The following UNC5A variants were observed in gnomAD, a reference collection of about 807,000 sequenced individuals.
The protein encoded by UNC5A is netrin receptor UNC5A.
In UNC5A, 20 loss-of-function variants were observed where a neutral mutation model predicts 87.4. The observed-to-expected ratio is 0.23, with a 90% CI of 0.16 to 0.33. The LOEUF (loss-of-function observed/expected upper bound fraction) is 0.33, where lower values mean the gene tolerates loss of function less well. Among genes scored for constraint, UNC5A ranks in the 10% least tolerant of loss-of-function variants. UNC5A has a pLI of 1.00. For missense variants in UNC5A, 844 were observed against 1,133.4 expected, an observed-to-expected ratio of 0.74 and a Z score of 3.67; for synonymous variants, 438 against 482.3, an observed-to-expected ratio of 0.91 and a Z score of 1.20.
At chr5:176,860,530 G>C (rs1757808865) in intron 1 of UNC5A, among the ~76,000 whole-genome samples, 1 of 152,186 alleles carries the variant, frequency 6.6e-6, no homozygotes, top group Non-Finnish European at 1.5e-5. Flanking sequence ...TGGCTGCCAA[G>C]TGACCATGGC....
At chr5:176,822,421 C>T (rs1756750155) in intron 1 of UNC5A, among the ~76,000 whole-genome samples, 1 of 152,224 alleles carries the variant, frequency 6.6e-6, no homozygotes, top group Non-Finnish European at 1.5e-5. Context: ...AGGGCAGGGC[C>T]TGCAGGCCTG....
intron 1 of UNC5A, among the ~76,000 whole-genome samples, chr5:176,815,708 G>A (rs1266001587): frequency 1.3e-5 from 2 of 152,196 alleles, no homozygotes. Flanking sequence ...ATCAGGGCCC[G>A]AGCCCAGACA....
chr5:176,840,014 G>A (rs545281509), intron 1 of UNC5A, among the ~76,000 whole-genome samples: 6 of 151,834 alleles, frequency 4.0e-5, no homozygotes, highest in South Asian at 4.2e-4. Flanking sequence ...ACGCCACCAC[G>A]CCCTGCTAAT....
chr5:176,856,810 C>A (rs1032657763), intron 1 of UNC5A, among the ~76,000 whole-genome samples: 3 of 152,138 alleles, frequency 2.0e-5, no homozygotes, highest in Non-Finnish European at 4.4e-5. Context: ...CACACCACAC[C>A]CCTGCACATG....
chr5:176,832,120 C>T (rs192858764), intron 1 of UNC5A, among the ~76,000 whole-genome samples: 1,756 of 152,238 alleles, frequency 0.012, 15 homozygotes, highest in Non-Finnish European at 0.018. Flanking sequence ...TGGTCTCGAA[C>T]TCCTGACTTC....
chr5:176,867,247 G>GA (rs773253091), intron 2 of UNC5A, among the ~76,000 whole-genome samples: 14 of 152,246 alleles, frequency 9.2e-5, no homozygotes, highest in Non-Finnish European at 2.1e-4. Flanking sequence ...TTTGGCTACA[G>GA]ACGGGGCAGG....
At chr5:176,817,305 A>G (rs7712355) in intron 1 of UNC5A, among the ~76,000 whole-genome samples, 2,977 of 151,660 alleles carry the variant, frequency 0.02, 90 homozygotes, top group African/African-American at 0.068. Context: ...GGCCGGGGGA[A>G]TCTGTCTAGA....
In UNC5A at chr5:176,848,188, G is replaced by T. The variant is rs148931108; in HGVS notation, c.71-14436G>T. ...TTCCACGTTAGCACCACCGCCCCCC[G>T]CACCCAGATCCCTCCGCCCCTCAGC... On this transcript the variant is annotated intron_variant, in intron 1 of 14. Transcript: ENST00000329542. This position sits in a 1 kb window ranked among gnomAD's most constrained non-coding sequence, Gnocchi z 5.8. Among the ~76,000 whole-genome samples, 21 of 151,422 alleles carry T rather than the reference G, an allele frequency of 1.4e-4. No individual in the cohort carries two copies. Among genetic ancestry groups the T allele is most frequent in the Non-Finnish European group, 1.5e-5 (1 of 67,860 alleles).
At position 176,869,711 on chromosome 5, in the gene UNC5A, G is replaced by A. The variant is rs1228296074; in HGVS notation, c.722-659G>A. 9 of 673,540 alleles carry A rather than the reference G, an allele frequency of 1.3e-5. No individual in the cohort carries two copies. The highest frequency in any genetic ancestry group is 1.6e-5 in the Non-Finnish European group (6 of 366,556). 41.7% of individuals were successfully genotyped at this position (673,540 alleles called of 1,614,324 possible). A position where few individuals can be genotyped will look rare whatever the true frequency, so the allele number is the denominator to read the frequency against. On this transcript the variant is annotated intron_variant, in intron 5 of 14. Transcript: ENST00000329542. This position sits in a 1 kb window ranked among gnomAD's most constrained non-coding sequence, Gnocchi z 9.1. ...GGAGCCGGAGCTGCACCAACCCGGC[G>A]CCTCTCAACGGGGGCGCTTTCTGTG...
chr5:176,810,839 G>A lies in UNC5A; in HGVS notation c.70+19G>A. On this transcript the variant is annotated intron_variant, in intron 1 of 14. Coordinates refer to ENST00000329542, the MANE Select transcript of UNC5A (RefSeq NM_133369.3). The surrounding 1 kb of genome is among the most constrained non-coding windows in gnomAD (Gnocchi z 7.3). ...GGCTCGGGTGAGTCACGCCGCGCGC[G>A]CTCTGGGGAGGCTTGCGGGGGACCG... 8.2e-7 allele frequency: 1 copy of A among 1,221,572 alleles called. No homozygotes were observed. The highest frequency in any genetic ancestry group is 4.1e-5 in the South Asian group (1 of 24,260). The allele number at this position is 1,221,572 out of a possible 1,614,324, so 75.7% of individuals were successfully genotyped here.
chr5:176,829,721 A>G (rs951749820), intron 1 of UNC5A, among the ~76,000 whole-genome samples: 11 of 152,030 alleles, frequency 7.2e-5, no homozygotes, highest in Admixed American at 1.3e-4. Context: ...CTCCCTTGCC[A>G]TATTGGGCAT....
rs1012911498 is a variant in UNC5A, at chr5:176,838,550, C to G, written c.71-24074C>G. Among the ~76,000 whole-genome samples, 1 of 152,268 alleles carries G rather than the reference C, an allele frequency of 6.6e-6. No individual in the cohort carries two copies. The highest frequency in any genetic ancestry group is 2.4e-5 in the African/African-American group (1 of 41,484). On this transcript the variant is annotated intron_variant, in intron 1 of 14. Transcript: ENST00000329542. The surrounding 1 kb of genome is among the most constrained non-coding windows in gnomAD (Gnocchi z 4.2). ...CTTGCAACTGAAAATCCCAAAGGTA[C>G]AGCTGACTTCAGGCAAAGCCTGATG...
rs1757954318 is a variant in UNC5A at position 176,865,551 on chromosome 5, T to C, written c.293-2579T>C. On this transcript the variant is annotated intron_variant, in intron 2 of 14. Coordinates refer to ENST00000329542, the MANE Select transcript of UNC5A (RefSeq NM_133369.3). This position sits in a 1 kb window ranked among gnomAD's most constrained non-coding sequence, Gnocchi z 5.3. ...CCGAGCATCCGACTCCAGCCTCCCA[T>C]GGCCGGAACATCTGAACGTTCATTG... 2.2e-6 allele frequency: 1 copy of C among 456,122 alleles called. No individual in the cohort carries two copies. The highest frequency in any genetic ancestry group is 2.0e-5 in the African/African-American group (1 of 50,082). 28.3% of individuals were successfully genotyped at this position (456,122 alleles called of 1,614,324 possible).
intron 1 of UNC5A, among the ~76,000 whole-genome samples, chr5:176,821,785 G>T (rs1249427871): frequency 6.6e-6 from 1 of 152,222 alleles, no homozygotes; most frequent in African/African-American, 2.4e-5. Flanking sequence ...GTGACCGCAG[G>T]CAGGGAGTGG....
rs1468668179 is a variant in UNC5A, at chr5:176,865,508, C to T, written c.293-2622C>T. 1 of 443,864 alleles carries T rather than the reference C, an allele frequency of 2.3e-6. No homozygotes were observed. The highest frequency in any genetic ancestry group is 7.0e-5 in the East Asian group (1 of 14,198). 27.5% of individuals were successfully genotyped at this position (443,864 alleles called of 1,614,324 possible). A position where few individuals can be genotyped will look rare whatever the true frequency, so the allele number is the denominator to read the frequency against. On this transcript the variant is annotated intron_variant, in intron 2 of 14. Transcript: ENST00000329542. The surrounding 1 kb of genome is among the most constrained non-coding windows in gnomAD (Gnocchi z 5.3). ...TTGGGACACGTCCCACCCGTAACCG[C>T]CAGGGTCCTCTTCTGCCCCGAGCAT...
At chr5:176,873,469 C>G (rs530010545) in intron 6 of UNC5A, among the ~76,000 whole-genome samples, 6 of 152,262 alleles carry the variant, frequency 3.9e-5, no homozygotes, top group African/African-American at 1.4e-4. Flanking sequence ...TCAATCACCC[C>G]CTCCCCAGAC....
chr5:176,866,841 G>T lies in UNC5A; in HGVS notation c.293-1289G>T, dbSNP rs1757987167. Reference sequence around the variant, plus strand: ...TAGAGAACGGGGCAGGTGGTGCCCAGAACGGAGGGAAGCGGCCCAGCTACC... The same window carrying T: ...TAGAGAACGGGGCAGGTGGTGCCCATAACGGAGGGAAGCGGCCCAGCTACC... On this transcript the variant is annotated intron_variant, in intron 2 of 14. Coordinates refer to ENST00000329542, the MANE Select transcript of UNC5A (RefSeq NM_133369.3). This position sits in a 1 kb window ranked among gnomAD's most constrained non-coding sequence, Gnocchi z 5.0. Among the ~76,000 whole-genome samples, 1 of 152,206 alleles carries T rather than the reference G, an allele frequency of 6.6e-6. No homozygotes were observed. Among genetic ancestry groups the T allele is most frequent in the East Asian group, 1.9e-4 (1 of 5,194 alleles).
At chr5:176,853,341 G>A (rs893671528) in intron 1 of UNC5A, among the ~76,000 whole-genome samples, 9 of 152,222 alleles carry the variant, frequency 5.9e-5, no homozygotes, top group Non-Finnish European at 1.0e-4. Context: ...TGGTCTGCAG[G>A]AGCTGGCGGG....
chr5:176,830,631 TGTGC>T (rs1189095828), intron 1 of UNC5A, among the ~76,000 whole-genome samples: 3 of 133,436 alleles, frequency 2.2e-5, no homozygotes, highest in South Asian at 2.5e-4. Context: ...CGTGTGTGTG[TGTGC>T]GCTGGCGTGT....
Sources: allele counts gnomAD v4.1 joint callset (sites outside exome capture counted in the v4.1 genomes callset), GRCh38; gene constraint gnomAD v4.1.1; non-coding constraint Gnocchi (gnomAD v3.1); transcripts MANE v1.5; gene names NCBI Gene and HGNC (gene_info 2026-07-23, HGNC 2026-07-21).